MIPEP: variants seen among roughly 807,000 people sequenced by gnomAD.
MIPEP encodes mitochondrial intermediate peptidase.
MIPEP carries 79 observed loss-of-function variants against 90.3 expected under a neutral mutation model. The observed-to-expected ratio is 0.87, with a 90% CI of 0.73 to 1.05. The LOEUF is 1.05. Ranked by LOEUF, MIPEP falls within the 50% of genes least tolerant of loss-of-function variation. The pLI is 0.00. For missense variants in MIPEP, 940 were observed against 905.6 expected (o/e 1.04, Z -0.49); for synonymous variants, 334 against 315.8 (o/e 1.06, Z -0.61).
At chr13:23,773,725 T>C (rs1459865971) in intron 16 of MIPEP, among the ~76,000 whole-genome samples, 1 of 152,236 alleles carries the variant, frequency 6.6e-6, no homozygotes, top group Non-Finnish European at 1.5e-5. Context: ...GAACATCTTT[T>C]CATGTGCTAA....
chr13:23,869,326 G>C lies in MIPEP; in HGVS notation c.909C>G (p.His303Gln). ...TAGCTATCGTTCCTTGGAGAGCCCTGTGAGAAAACGTGGAATACCCCACCA... is the reference window on the plus strand; with the variant it reads ...TAGCTATCGTTCCTTGGAGAGCCCTCTGAGAAAACGTGGAATACCCCACCA... ...AKLVGYSTFS[H>Q]RALQGTIAKN... Residue 303 changes from histidine (H) to glutamine (Q), a missense_variant, in exon 7 of 19, where the codon CAC (histidine) becomes CAG (glutamine). Physicochemically the swap from His to Gln is conservative, Grantham distance 24. Transcript: ENST00000382172. 1 of 1,611,906 alleles carries C rather than the reference G, an allele frequency of 6.2e-7. No individual in the cohort carries two copies.
At chr13:23,779,546 G>A (rs1472925178) in intron 16 of MIPEP, among the ~76,000 whole-genome samples, 1 of 152,168 alleles carries the variant, frequency 6.6e-6, no homozygotes, top group Admixed American at 6.5e-5. Flanking sequence ...CAGAAGACGG[G>A]TGATTTCCAC....
chr13:23,754,176 A>C (rs866670318), intron 18 of MIPEP, among the ~76,000 whole-genome samples: 4 of 152,286 alleles, frequency 2.6e-5, no homozygotes, highest in African/African-American at 9.6e-5. Context: ...ACTCCTGGTA[A>C]TACCCCAGTG....
chr13:23,857,368 AC>A (rs1182019162), intron 10 of MIPEP, among the ~76,000 whole-genome samples: 6 of 152,226 alleles, frequency 3.9e-5, no homozygotes, highest in African/African-American at 1.4e-4. Flanking sequence ...ATGGTAGCTA[AC>A]CAACCTGGGC....
intron 14 of MIPEP, among the ~76,000 whole-genome samples, chr13:23,820,547 T>C (rs776445811): frequency 3.9e-5 from 6 of 152,214 alleles, no homozygotes; most frequent in Non-Finnish European, 8.8e-5. Context: ...TTCTTATAAA[T>C]AAAACATCGT....
intron 16 of MIPEP, among the ~76,000 whole-genome samples, chr13:23,770,368 C>T (rs1952635045): frequency 6.6e-6 from 1 of 152,138 alleles, no homozygotes; most frequent in African/African-American, 2.4e-5. Flanking sequence ...TCTCACTTTC[C>T]TCAATGTCTT....
chr13:23,865,815 C>A (rs1031910419), intron 7 of MIPEP, among the ~76,000 whole-genome samples: 1 of 151,716 alleles, frequency 6.6e-6, no homozygotes, highest in African/African-American at 2.4e-5. Flanking sequence ...GGATTACAGG[C>A]ACCCGCCACC....
chr13:23,779,720 G>A (rs1952758228), intron 16 of MIPEP, among the ~76,000 whole-genome samples: 2 of 152,160 alleles, frequency 1.3e-5, no homozygotes, highest in South Asian at 2.1e-4. Flanking sequence ...AAGGTAAGGG[G>A]TGGCAGATGG....
intron 1 of MIPEP, among the ~76,000 whole-genome samples, chr13:23,887,014 T>C (rs1566030459): frequency 1.3e-5 from 2 of 152,290 alleles, no homozygotes; most frequent in South Asian, 2.1e-4. Flanking sequence ...GTAATAAGTA[T>C]ATGTAAAGTA....
At chr13:23,860,455 G>T (rs1713919413) in intron 9 of MIPEP, among the ~76,000 whole-genome samples, 1 of 152,200 alleles carries the variant, frequency 6.6e-6, no homozygotes, top group Non-Finnish European at 1.5e-5. Flanking sequence ...CATCACACAG[G>T]TATTAGGAGA....
Position 23,782,446 on chromosome 13 carries a change from A to G in MIPEP, c.1849-22229T>C, listed in dbSNP as rs956358315. On this transcript the variant is annotated intron_variant, in intron 16 of 18. Coordinates refer to ENST00000382172, the MANE Select transcript of MIPEP (RefSeq NM_005932.4). ...CAACATACCAGAATCTCTGGGACAC[A>G]TTTAAAGCAGTGTGTAGAGGGAAAT... Among the ~76,000 whole-genome samples the G allele has an allele frequency of 9.2e-5, 14 of 152,210 alleles. 1 individual carries two copies. Among genetic ancestry groups the G allele is most frequent in the Non-Finnish European group, 1.3e-4 (9 of 68,044 alleles).
rs57354012 is a variant in MIPEP at position 23,775,109 on chromosome 13, CTGTGTGTGTG to C, written c.1849-14902_1849-14893del. 6.8e-3 allele frequency among the ~76,000 whole-genome samples: 1,012 copies of C among 148,998 alleles called. 12 individuals are homozygous for C. The highest frequency in any genetic ancestry group is 7.4e-3 in the Non-Finnish European group (501 of 67,368). ...TCACTGCACCCAGCCTATCAGTTCT[CTGTGTGTGTG>C]TGTGTGTGTGTGTGTGTGTGTGTGT... On this transcript the variant is annotated intron_variant, in intron 16 of 18. Transcript: ENST00000382172.
chr13:23,828,860 T>C (rs1868599304), intron 14 of MIPEP, among the ~76,000 whole-genome samples: 1 of 152,182 alleles, frequency 6.6e-6, no homozygotes, highest in Non-Finnish European at 1.5e-5. Flanking sequence ...ACAAGAAATT[T>C]TGAAGAACAA....
At chr13:23,744,836 A>G (rs17420876) in intron 18 of MIPEP, among the ~76,000 whole-genome samples, 28,706 of 152,216 alleles carry the variant, frequency 0.19, 3,609 homozygotes, top group Non-Finnish European at 0.28. Flanking sequence ...TACACAGGCT[A>G]TGGAAGCATT....
At chr13:23,751,017 A>G (rs7330379) in intron 18 of MIPEP, among the ~76,000 whole-genome samples, 47,848 of 151,950 alleles carry the variant, frequency 0.31, 7,815 homozygotes, top group South Asian at 0.49. Context: ...GGAATCAGCC[A>G]TTTCTCCAAG....
chr13:23,802,126 A>G (rs192934996), intron 16 of MIPEP, among the ~76,000 whole-genome samples: 1 of 152,228 alleles, frequency 6.6e-6, no homozygotes, highest in Non-Finnish European at 1.5e-5. Context: ...GATACTGTCA[A>G]TTGTTTTATT....
intron 18 of MIPEP, 121 bp downstream of exon 18, chr13:23,756,424 T>G: frequency 9.7e-7 from 1 of 1,031,852 alleles, no homozygotes; most frequent in Admixed American, 2.0e-5. Context: ...CCCAAAGTGC[T>G]GGGATTACAG....
Position 23,858,850 on chromosome 13 carries a change from A to G in MIPEP, c.1106+10T>C, listed in dbSNP as rs373958351. On this transcript the variant is annotated intron_variant, in intron 10 of 18. Transcript: ENST00000382172. The stretch of plus-strand genomic sequence containing the variant: ...CCTTTTCCTGTACGGGTATTTCTTG[A>G]AAAACTTACCTTTCTGCACGAATCA... The G allele has an allele frequency of 3.7e-6, 6 of 1,612,792 alleles. No individual in the cohort carries two copies. The highest frequency in any genetic ancestry group is 5.1e-6 in the Non-Finnish European group (6 of 1,179,016).
At chr13:23,734,949 C>T (rs1952244802) in intron 18 of MIPEP, among the ~76,000 whole-genome samples, 1 of 152,162 alleles carries the variant, frequency 6.6e-6, no homozygotes, top group South Asian at 2.1e-4. Context: ...AGGCCAGTTA[C>T]CCGATATCCA....
Sources: gnomAD v4.1 joint callset for allele counts (sites outside exome capture counted in the v4.1 genomes callset) on GRCh38, gnomAD v4.1.1 for gene constraint, MANE v1.5 for transcripts, NCBI Gene and HGNC (gene_info 2026-07-23, HGNC 2026-07-21) for gene names.